Variants in SNTG1 observed in about 807,000 individuals in gnomAD.
SNTG1 encodes the protein gamma-1-syntrophin.
Under a neutral mutation model 74.7 loss-of-function variants are expected in SNTG1, and 39 were observed. That is an observed-to-expected ratio of 0.52 (90% CI 0.40 to 0.68). SNTG1 has a LOEUF of 0.68. Among genes scored for constraint, SNTG1 ranks in the 30% least tolerant of loss-of-function variants. SNTG1 has a pLI of 0.00. For missense variants in SNTG1, 685 were observed against 609.5 expected, an observed-to-expected ratio of 1.12 and a Z score of -1.30; for synonymous variants, 254 against 217.1, an observed-to-expected ratio of 1.17 and a Z score of -1.49.
intron 1 of SNTG1, among the ~76,000 whole-genome samples, chr8:50,051,248 A>ACACACG: frequency 6.6e-6 from 1 of 151,524 alleles, no homozygotes; most frequent in Middle Eastern, 3.4e-3. Flanking sequence ...TGACACACAC[A>ACACACG]CACACACACA....
intron 1 of SNTG1, among the ~76,000 whole-genome samples, chr8:50,010,333 G>A (rs1815657229): frequency 6.6e-6 from 1 of 152,074 alleles, no homozygotes; most frequent in African/African-American, 2.4e-5. Flanking sequence ...GGAAACTGAA[G>A]CACAGAGAGC....
chr8:50,591,036 C>T, intron 13 of SNTG1, 119 bp downstream of exon 13: 2 of 572,360 alleles, frequency 3.5e-6, no homozygotes, highest in Non-Finnish European at 2.9e-6. Flanking sequence ...TTACTATCTT[C>T]AGTGAGAAAC....
chr8:50,492,080 A>G (rs12546734), intron 8 of SNTG1, among the ~76,000 whole-genome samples: 110,112 of 151,958 alleles, frequency 0.72, 41,508 homozygotes, highest in East Asian at 0.84. Flanking sequence ...CTTTTTTATG[A>G]CTGCATAGTA....
intron 2 of SNTG1, among the ~76,000 whole-genome samples, chr8:50,251,633 T>A (rs1465017820): frequency 6.6e-6 from 1 of 151,872 alleles, no homozygotes; most frequent in Non-Finnish European, 1.5e-5. Context: ...ACAAAGGATA[T>A]TATTATATAA....
At chr8:50,427,638 C>A (rs1006410805) in intron 4 of SNTG1, among the ~76,000 whole-genome samples, 1 of 152,074 alleles carries the variant, frequency 6.6e-6, no homozygotes, top group Non-Finnish European at 1.5e-5. Flanking sequence ...TGTTGCTTAG[C>A]CTGTTCTCAA....
chr8:49,970,018 A>G (rs1162302562), intron 1 of SNTG1, among the ~76,000 whole-genome samples: 1 of 151,976 alleles, frequency 6.6e-6, no homozygotes, highest in Non-Finnish European at 1.5e-5. Context: ...TATTTTACTC[A>G]AATTGCCAAT....
At chr8:50,708,757 T>G in intron 16 of SNTG1, 129 bp from the exon 17 acceptor site, 1 of 593,014 alleles carries the variant, frequency 1.7e-6, no homozygotes, top group Non-Finnish European at 3.0e-6. Flanking sequence ...ACTCCCTTCT[T>G]TATACAATTA....
chr8:50,754,665 T>A (rs2095575907), intron 18 of SNTG1, among the ~76,000 whole-genome samples: 1 of 151,952 alleles, frequency 6.6e-6, no homozygotes, highest in Non-Finnish European at 1.5e-5. Context: ...ATCCATTCAA[T>A]GAATTCTGCC....
At chr8:50,744,027 G>T (rs994309302) in intron 17 of SNTG1, among the ~76,000 whole-genome samples, 9 of 152,050 alleles carry the variant, frequency 5.9e-5, no homozygotes, top group African/African-American at 2.2e-4. Context: ...AACCCAGACT[G>T]AGAGCTCACT....
At chr8:50,036,147 G>A (rs1396259484) in intron 1 of SNTG1, among the ~76,000 whole-genome samples, 1 of 152,156 alleles carries the variant, frequency 6.6e-6, no homozygotes, top group Non-Finnish European at 1.5e-5. Flanking sequence ...TCATGTGAAT[G>A]CACAAGAATA....
At chr8:49,998,110 A>C (rs1315131808) in intron 1 of SNTG1, among the ~76,000 whole-genome samples, 2 of 152,120 alleles carry the variant, frequency 1.3e-5, no homozygotes, top group Non-Finnish European at 2.9e-5. Flanking sequence ...CAGCATGGTA[A>C]GCATTTGTGT....
At chr8:50,004,482 C>T (rs1815029246) in intron 1 of SNTG1, among the ~76,000 whole-genome samples, 1 of 152,114 alleles carries the variant, frequency 6.6e-6, no homozygotes, top group Non-Finnish European at 1.5e-5. Flanking sequence ...CAACTCTGCA[C>T]CCAGCGTTGT....
intron 2 of SNTG1, among the ~76,000 whole-genome samples, chr8:50,339,914 T>C (rs750204725): frequency 1.3e-5 from 2 of 151,622 alleles, no homozygotes; most frequent in Admixed American, 1.3e-4. Context: ...GTAAACTATG[T>C]ATTGTGTACA....
chr8:50,166,933 T>C (rs902082566), intron 1 of SNTG1, among the ~76,000 whole-genome samples: 2 of 149,680 alleles, frequency 1.3e-5, no homozygotes, highest in Non-Finnish European at 2.9e-5. Context: ...CATGGAATAC[T>C]ATGCAGCCAT....
Position 50,263,286 on chromosome 8 carries a change from T to C in SNTG1, c.-28+90651T>C, listed in dbSNP as rs141060535. Among the ~76,000 whole-genome samples the C allele has an allele frequency of 2.2e-3, 334 of 152,208 alleles. 2 individuals carry two copies. The highest frequency in any genetic ancestry group is 7.5e-3 in the African/African-American group (312 of 41,516). On this transcript the variant is annotated intron_variant, in intron 2 of 18. Transcript: ENST00000642720. ...AAATAAAGTCTTTAAAGAAGATATA[T>C]ATTTGAGGTAAAGACATGGAGTACA...
chr8:50,448,411 GA>G (rs1480153084), intron 5 of SNTG1, among the ~76,000 whole-genome samples: 2 of 152,018 alleles, frequency 1.3e-5, no homozygotes, highest in South Asian at 2.1e-4. Flanking sequence ...GCATGCAAGG[GA>G]AAAAAGAATA....
chr8:50,407,441 G>A (rs1258094816), intron 4 of SNTG1, among the ~76,000 whole-genome samples: 2 of 152,190 alleles, frequency 1.3e-5, no homozygotes, highest in Non-Finnish European at 2.9e-5. Context: ...GTTTACTCAT[G>A]AGGGAGAAAA....
intron 1 of SNTG1, among the ~76,000 whole-genome samples, chr8:50,082,852 G>A (rs545276301): frequency 6.6e-6 from 1 of 152,194 alleles, no homozygotes; most frequent in Non-Finnish European, 1.5e-5. Context: ...GTCTTCCTTT[G>A]ACTATCTGAC....
At chr8:50,481,401 C>A (rs60332422) in intron 8 of SNTG1, among the ~76,000 whole-genome samples, 19,708 of 152,074 alleles carry the variant, frequency 0.13, 2,048 homozygotes, top group African/African-American at 0.28. Context: ...ACAACAACAA[C>A]AAAACATACA....
Sources: allele counts gnomAD v4.1 joint callset (sites outside exome capture counted in the v4.1 genomes callset), GRCh38; gene constraint gnomAD v4.1.1; transcripts MANE v1.5; gene names NCBI Gene and HGNC (gene_info 2026-07-23, HGNC 2026-07-21).